The following LRRC8D variants were observed in gnomAD, a reference collection of about 807,000 sequenced individuals.
LRRC8D encodes the protein leucine rich repeat containing 8 VRAC subunit D.
LRRC8D carries 20 observed loss-of-function variants against 55.8 expected under a neutral mutation model. That is an observed-to-expected ratio of 0.36 (90% CI 0.25 to 0.52). LRRC8D has a LOEUF of 0.52. Among genes scored for constraint, LRRC8D ranks in the 20% least tolerant of loss-of-function variants. The probability of loss-of-function intolerance (pLI) is 0.93; values close to 1 mark genes in which losing one functional copy is unlikely to be tolerated. For missense variants in LRRC8D, 651 were observed against 1,030.8 expected (o/e 0.63, Z 5.05); for synonymous variants, 352 against 377.0 (o/e 0.93, Z 0.77).
Position 89,934,708 on chromosome 1 carries a change from C to T in LRRC8D, c.1640C>T (p.Thr547Ile), listed in dbSNP as rs368199290. ...DHLRCLHVKF[T>I]DVAEIPAWVY... ...TTGAGATGCCTTCACGTGAAGTTCA[C>T]TGATGTGGCTGAAATTCCTGCCTGG... The change falls in exon 3 of 3, where the codon ACT becomes ATT. Residue 547 changes from threonine to isoleucine, a missense_variant. Around this residue, in one of 5 missense-constraint regions of LRRC8D, gnomAD observed 338 missense variants for 479.4 expected, o/e 0.71. Transcript: ENST00000337338. The surrounding 1 kb of genome is among the most constrained non-coding windows in gnomAD (Gnocchi z 5.9). 1 of 1,614,072 alleles carries T rather than the reference C, an allele frequency of 6.2e-7. No homozygotes were observed.
intron 2 of LRRC8D, among the ~76,000 whole-genome samples, chr1:89,848,479 G>A (rs1037859689): frequency 6.6e-6 from 1 of 152,150 alleles, no homozygotes; most frequent in Non-Finnish European, 1.5e-5. Context: ...ATTTCTGTGT[G>A]TGTTGTATTG....
chr1:89,850,494 C>T (rs1661385295), intron 2 of LRRC8D, among the ~76,000 whole-genome samples: 1 of 152,182 alleles, frequency 6.6e-6, no homozygotes, highest in Admixed American at 6.5e-5. Flanking sequence ...CATCATTTAG[C>T]TCCCACTTAT....
intron 2 of LRRC8D, among the ~76,000 whole-genome samples, chr1:89,899,320 T>C (rs995811851): frequency 3.9e-5 from 6 of 152,234 alleles, no homozygotes; most frequent in African/African-American, 1.4e-4. Flanking sequence ...AATCCCATTC[T>C]GCCGGTGACC....
At chr1:89,821,581 T>TTCCTGGC (rs1358820355) in intron 1 of LRRC8D, among the ~76,000 whole-genome samples, 2 of 152,120 alleles carry the variant, frequency 1.3e-5, no homozygotes, top group East Asian at 3.9e-4. Context: ...GGAGTGCGGC[T>TTCCTGGC]TCCTGGCTCC....
intron 1 of LRRC8D, among the ~76,000 whole-genome samples, chr1:89,823,389 T>G (rs1660686909): frequency 6.6e-6 from 1 of 152,188 alleles, no homozygotes; most frequent in Non-Finnish European, 1.5e-5. Flanking sequence ...TTCCCTTAAT[T>G]TTTATATTAT....
At chr1:89,914,879 T>G (rs1663222323) in intron 2 of LRRC8D, among the ~76,000 whole-genome samples, 1 of 152,132 alleles carries the variant, frequency 6.6e-6, no homozygotes, top group Non-Finnish European at 1.5e-5. Context: ...ATTTTAGATA[T>G]TAGCACTGCT....
chr1:89,904,606 A>G (rs901836580), intron 2 of LRRC8D, among the ~76,000 whole-genome samples: 33 of 152,254 alleles, frequency 2.2e-4, no homozygotes, highest in African/African-American at 7.5e-4. Flanking sequence ...CTGGAGCTCT[A>G]TTGGCCACTC....
At chr1:89,877,899 T>C (rs751783127) in intron 2 of LRRC8D, among the ~76,000 whole-genome samples, 2 of 152,228 alleles carry the variant, frequency 1.3e-5, no homozygotes. Flanking sequence ...TATGTTTCTA[T>C]TTTATCTTGA....
At chr1:89,926,382 A>G (rs1663565794) in intron 2 of LRRC8D, among the ~76,000 whole-genome samples, 1 of 152,230 alleles carries the variant, frequency 6.6e-6, no homozygotes, top group Admixed American at 6.5e-5. Flanking sequence ...CCTTGAGGGC[A>G]AGGATCTATA....
chr1:89,900,788 T>G (rs1018760379), intron 2 of LRRC8D, among the ~76,000 whole-genome samples: 1 of 152,218 alleles, frequency 6.6e-6, no homozygotes, highest in African/African-American at 2.4e-5. Flanking sequence ...TCATCAAGAC[T>G]ATTGTTAATG....
At chr1:89,920,770 A>G (rs1199242002) in intron 2 of LRRC8D, among the ~76,000 whole-genome samples, 1 of 150,348 alleles carries the variant, frequency 6.7e-6, no homozygotes, top group East Asian at 1.9e-4. Context: ...ATTTTCTTTA[A>G]CTGTATAAAT....
intron 2 of LRRC8D, among the ~76,000 whole-genome samples, chr1:89,919,356 A>G (rs1366098871): frequency 1.3e-5 from 2 of 152,166 alleles, no homozygotes; most frequent in African/African-American, 4.8e-5. Context: ...CAGAGCAGAT[A>G]TTTATGGGTT....
At chr1:89,857,415 C>A (rs1433601825) in intron 2 of LRRC8D, among the ~76,000 whole-genome samples, 3 of 148,580 alleles carry the variant, frequency 2.0e-5, no homozygotes, top group Non-Finnish European at 3.0e-5. Flanking sequence ...GTAATTATCT[C>A]TGAGTGGAGA....
At chr1:89,905,639 C>T (rs1224435217) in intron 2 of LRRC8D, among the ~76,000 whole-genome samples, 1 of 152,192 alleles carries the variant, frequency 6.6e-6, no homozygotes, top group Non-Finnish European at 1.5e-5. Flanking sequence ...TTTGGGTCTG[C>T]AGCCAAGTAG....
intron 1 of LRRC8D, among the ~76,000 whole-genome samples, chr1:89,826,705 G>C (rs979073745): frequency 1.3e-5 from 2 of 152,202 alleles, no homozygotes; most frequent in Non-Finnish European, 2.9e-5. Flanking sequence ...CTGCTTAGAG[G>C]TGTGTAAACA....
intron 1 of LRRC8D, among the ~76,000 whole-genome samples, chr1:89,823,636 A>C (rs1030784233): frequency 4.6e-5 from 7 of 152,238 alleles, no homozygotes; most frequent in African/African-American, 1.4e-4. Context: ...GGTGTTTGAC[A>C]TTCTAAGAAA....
chr1:89,843,429 G>C (rs1272382366), intron 1 of LRRC8D: 1 of 363,106 alleles, frequency 2.8e-6, no homozygotes, highest in Non-Finnish European at 4.9e-6. Context: ...CAGCAGGGGG[G>C]GCCCGGGCCG....
intron 2 of LRRC8D, among the ~76,000 whole-genome samples, chr1:89,923,123 C>G (rs2703997): frequency 0.1 from 15,178 of 152,164 alleles, 2,232 homozygotes; most frequent in African/African-American, 0.32. Flanking sequence ...TTCAGTTCTA[C>G]TACAAAAAGC....
intron 2 of LRRC8D, among the ~76,000 whole-genome samples, chr1:89,870,209 G>T (rs1483193062): frequency 6.6e-6 from 1 of 152,028 alleles, no homozygotes; most frequent in African/African-American, 2.4e-5. Context: ...AGGTGTGGTG[G>T]CTCACACCTG....
Sources: allele counts gnomAD v4.1 joint callset (sites outside exome capture counted in the v4.1 genomes callset), GRCh38; gene constraint gnomAD v4.1.1; regional missense constraint gnomAD v4.1.1; non-coding constraint Gnocchi (gnomAD v3.1); transcripts MANE v1.5; gene names NCBI Gene and HGNC (gene_info 2026-07-23, HGNC 2026-07-21).